MSRA: variants seen among roughly 807,000 people sequenced by gnomAD.
MSRA encodes mitochondrial peptide methionine sulfoxide reductase.
Under a neutral mutation model 31.3 loss-of-function variants are expected in MSRA, and 54 were observed. The observed-to-expected ratio is 1.73, with a 90% CI of 1.39 to 2.17. The LOEUF is 2.17. Among genes scored for constraint, MSRA ranks in the 30% most tolerant of loss-of-function variants. The pLI is 0.00. For synonymous variants in MSRA, 169 were observed against 116.5 expected (o/e 1.45, Z -2.90); for missense variants, 507 against 300.9 (o/e 1.69, Z -5.07).
intron 3 of MSRA, among the ~76,000 whole-genome samples, chr8:10,285,995 C>T (rs1035657954): frequency 6.6e-6 from 1 of 152,050 alleles, no homozygotes; most frequent in African/African-American, 2.4e-5. Context: ...GGTAAGGGTA[C>T]CCCTCAGCTG....
chr8:10,339,225 T>C (rs980807989), intron 5 of MSRA, among the ~76,000 whole-genome samples: 4 of 152,214 alleles, frequency 2.6e-5, no homozygotes, highest in African/African-American at 9.6e-5. Flanking sequence ...ATGTTGGAGT[T>C]GCAGTTTGTA....
intron 5 of MSRA, among the ~76,000 whole-genome samples, chr8:10,380,147 G>A (rs185889744): frequency 6.6e-6 from 1 of 152,352 alleles, no homozygotes; most frequent in East Asian, 1.9e-4. Context: ...AGGCATACCT[G>A]AATGGGCCCT....
chr8:10,165,079 C>A (rs1419457191), intron 1 of MSRA, among the ~76,000 whole-genome samples: 1 of 152,094 alleles, frequency 6.6e-6, no homozygotes, highest in Non-Finnish European at 1.5e-5. Flanking sequence ...AAATCAGACT[C>A]TTGGAGAGTG....
intron 5 of MSRA, among the ~76,000 whole-genome samples, chr8:10,396,105 C>G (rs748491600): frequency 6.6e-6 from 1 of 152,166 alleles, no homozygotes; most frequent in Admixed American, 6.5e-5. Flanking sequence ...AGGCCTGATC[C>G]CCCTCCTTCT....
chr8:10,168,913 G>T (rs1239949145), intron 1 of MSRA, among the ~76,000 whole-genome samples: 1 of 152,144 alleles, frequency 6.6e-6, no homozygotes, highest in Non-Finnish European at 1.5e-5. Context: ...AATTCCAGTT[G>T]ATTTTCAGGC....
chr8:10,318,162 G>A (rs1231311655), intron 4 of MSRA, among the ~76,000 whole-genome samples: 2 of 152,208 alleles, frequency 1.3e-5, no homozygotes, highest in Non-Finnish European at 2.9e-5. Flanking sequence ...AGGAGAAAGG[G>A]CTTTGGTGTC....
In MSRA at chr8:10,392,874, G is replaced by T. The variant is rs1806838500; in HGVS notation, c.544-35274G>T. On this transcript the variant is annotated intron_variant, in intron 5 of 5. Transcript: ENST00000317173. ...ATTCTGGCTAACATGGTAAAACCCC[G>T]TCTCTACTAAAAATGCAAAAAAAAA... 1.9e-5 allele frequency among the ~76,000 whole-genome samples: 2 copies of T among 105,776 alleles called. 1 individual carries two copies. Among genetic ancestry groups the T allele is most frequent in the South Asian group, 6.6e-4 (2 of 3,032 alleles). The allele number at this position is 105,776 out of a possible 152,430, so 69.4% of individuals were successfully genotyped here.
chr8:10,187,158 G>A (rs1239329077), intron 1 of MSRA, among the ~76,000 whole-genome samples: 2 of 152,272 alleles, frequency 1.3e-5, no homozygotes, highest in Admixed American at 6.5e-5. Flanking sequence ...TGAGAACTTC[G>A]GGAAATGGTA....
chr8:10,054,687 G>A (rs762148074), intron 1 of MSRA, 29 bp downstream of exon 1: 1 of 1,487,122 alleles, frequency 6.7e-7, no homozygotes, highest in Non-Finnish European at 9.0e-7. Flanking sequence ...GAAGGCGCGG[G>A]CGGCGACGCT....
intron 5 of MSRA, among the ~76,000 whole-genome samples, chr8:10,361,989 T>C (rs1804875961): frequency 6.6e-6 from 1 of 152,122 alleles, no homozygotes; most frequent in South Asian, 2.1e-4. Flanking sequence ...CCCTCCTCTC[T>C]CTTGTCGTTG....
At chr8:10,267,148 T>C (rs1342918922) in intron 3 of MSRA, among the ~76,000 whole-genome samples, 1 of 152,248 alleles carries the variant, frequency 6.6e-6, no homozygotes, top group Non-Finnish European at 1.5e-5. Flanking sequence ...GCACATTGTT[T>C]ACCCCACCCG....
chr8:10,092,084 T>C (rs572227300), intron 1 of MSRA, among the ~76,000 whole-genome samples: 1 of 152,012 alleles, frequency 6.6e-6, no homozygotes, highest in Non-Finnish European at 1.5e-5. Flanking sequence ...AAAGGGTCTG[T>C]AGTACTCTTG....
intron 5 of MSRA, among the ~76,000 whole-genome samples, chr8:10,327,814 T>C (rs1004094921): frequency 6.6e-6 from 1 of 151,974 alleles, no homozygotes; most frequent in East Asian, 1.9e-4. Flanking sequence ...GCGCCTGTAG[T>C]CCCAGCTACT....
intron 1 of MSRA, among the ~76,000 whole-genome samples, chr8:10,203,173 C>T (rs17151318): frequency 0.47 from 71,633 of 151,898 alleles, 17,218 homozygotes; most frequent in South Asian, 0.6. Flanking sequence ...CAAGTGAACT[C>T]CCTCCACCTT....
At chr8:10,100,915 C>T (rs1236919227) in intron 1 of MSRA, among the ~76,000 whole-genome samples, 3 of 151,832 alleles carry the variant, frequency 2.0e-5, no homozygotes, top group East Asian at 1.9e-4. Flanking sequence ...AGAATTAGTC[C>T]CTCTGGAGTG....
Position 10,152,189 on chromosome 8 carries a change from T to C in MSRA, c.143-55644T>C, listed in dbSNP as rs1803739201. Among the ~76,000 whole-genome samples the C allele has an allele frequency of 2.0e-5, 3 of 152,226 alleles. No individual in the cohort carries two copies. The South Asian group carries it at 6.2e-4, about 32-fold the overall frequency. On this transcript the variant is annotated intron_variant, in intron 1 of 5. Coordinates refer to ENST00000317173, the MANE Select transcript of MSRA (RefSeq NM_012331.5). ...AAATTGGACTTCAGCTTGAAAAGTA[T>C]AGACAGAGAACAAAACTGTCTGTGT...
At chr8:10,054,782 G>A in intron 1 of MSRA, 124 bp downstream of exon 1, 1 of 1,157,486 alleles carries the variant, frequency 8.6e-7, no homozygotes, top group Non-Finnish European at 1.1e-6. Flanking sequence ...CGCGGGGTGG[G>A]GGTCTGCGCA....
chr8:10,228,173 C>G (rs4545101), intron 2 of MSRA, among the ~76,000 whole-genome samples: 73,981 of 151,930 alleles, frequency 0.49, 22,239 homozygotes, highest in Non-Finnish European at 0.66. Flanking sequence ...TTTCTGGTCT[C>G]TGCCTATGTT....
At chr8:10,397,290 C>G (rs1301438700) in intron 5 of MSRA, among the ~76,000 whole-genome samples, 1 of 152,060 alleles carries the variant, frequency 6.6e-6, no homozygotes, top group East Asian at 1.9e-4. Flanking sequence ...TGAATCATAC[C>G]CCTCAAAGGC....
Sources: gnomAD v4.1 joint callset for allele counts (sites outside exome capture counted in the v4.1 genomes callset) on GRCh38, gnomAD v4.1.1 for gene constraint, MANE v1.5 for transcripts, NCBI Gene and HGNC (gene_info 2026-07-23, HGNC 2026-07-21) for gene names.